The following LYST variants were observed in gnomAD, a reference collection of about 807,000 sequenced individuals.
The protein encoded by LYST is lysosomal-trafficking regulator.
A neutral mutation model predicts 413.6 loss-of-function variants in LYST; 192 were observed. That is an observed-to-expected ratio of 0.46 (90% CI 0.41 to 0.52). LYST has a LOEUF of 0.52. LYST is among the 20% of genes least tolerant of loss of function. The pLI is 0.00. For missense variants in LYST, 3,815 were observed against 4,499.9 expected, an observed-to-expected ratio of 0.85 and a Z score of 4.35; for synonymous variants, 1,525 against 1,567.3, an observed-to-expected ratio of 0.97 and a Z score of 0.64.
At chr1:235,665,074 G>A (rs1204221616) in intron 50 of LYST, among the ~76,000 whole-genome samples, 7 of 152,036 alleles carry the variant, frequency 4.6e-5, no homozygotes, top group Admixed American at 4.6e-4. Flanking sequence ...GATTACAGGC[G>A]TGAGCCACTG....
chr1:235,791,802 A>G lies in LYST; in HGVS notation c.4440T>C (p.Asn1480=), dbSNP rs1472906588. 1.2e-6 allele frequency: 2 copies of G among 1,614,072 alleles called. No homozygotes were observed. Among genetic ancestry groups the G allele is most frequent in the Non-Finnish European group, 1.7e-6 (2 of 1,179,946 alleles). Residue 1480 remains asparagine (N), a synonymous_variant, in exon 12 of 53, where the codon AAT becomes AAC. Transcript: ENST00000389793. ...SEGFSVSLWF[N]VECIHEAEST... ...TCTCAGCTTCATGGATACACTCCACATTAAACCACAGGGAAACACTGAAAC... is the reference window on the plus strand; with the variant it reads ...TCTCAGCTTCATGGATACACTCCACGTTAAACCACAGGGAAACACTGAAAC...
At chr1:235,767,919 C>T (rs954867164) in intron 20 of LYST, among the ~76,000 whole-genome samples, 2 of 152,036 alleles carry the variant, frequency 1.3e-5, no homozygotes, top group Non-Finnish European at 2.9e-5. Flanking sequence ...ACATGTTCTT[C>T]CCCCTCTGCC....
At chr1:235,835,746 C>T (rs1429312063) in intron 1 of LYST, among the ~76,000 whole-genome samples, 1 of 152,092 alleles carries the variant, frequency 6.6e-6, no homozygotes, top group African/African-American at 2.4e-5. Flanking sequence ...AATAATGATG[C>T]CCTTAGCCCA....
chr1:235,762,516 G>A (rs1038606856), intron 22 of LYST, among the ~76,000 whole-genome samples: 1 of 152,180 alleles, frequency 6.6e-6, no homozygotes, highest in African/African-American at 2.4e-5. Flanking sequence ...AAATGACTAT[G>A]ATAAGAGAAG....
intron 45 of LYST, among the ~76,000 whole-genome samples, chr1:235,698,556 G>C (rs1238515590): frequency 6.6e-6 from 1 of 152,088 alleles, no homozygotes; most frequent in Non-Finnish European, 1.5e-5. Flanking sequence ...GCTCCCCTGT[G>C]GGATCCAAAT....
intron 8 of LYST, 143 bp from the exon 9 acceptor site, chr1:235,801,240 C>A: frequency 1.6e-6 from 1 of 641,002 alleles, no homozygotes; most frequent in South Asian, 1.8e-5. Flanking sequence ...TCCTATAACA[C>A]AACTTTTGAC....
At chr1:235,691,967 G>C (rs927115972) in intron 47 of LYST, among the ~76,000 whole-genome samples, 16 of 150,710 alleles carry the variant, frequency 1.1e-4, no homozygotes, top group African/African-American at 3.7e-4. Flanking sequence ...CAAAGTGCTA[G>C]GATTACAGGC....
intron 6 of LYST, among the ~76,000 whole-genome samples, chr1:235,805,146 T>C (rs990957881): frequency 3.3e-5 from 5 of 152,204 alleles, no homozygotes; most frequent in Non-Finnish European, 7.3e-5. Context: ...CCTAGATTCC[T>C]TTTTAGTTGA....
At position 235,851,924 on chromosome 1, in the gene LYST, A is replaced by G. The variant is rs560138177; in HGVS notation, c.-98+14919T>C. Among the ~76,000 whole-genome samples, 5 of 152,220 alleles carry G rather than the reference A, an allele frequency of 3.3e-5. No individual in the cohort carries two copies. In the South Asian group the frequency reaches 8.3e-4, roughly 25 times the overall value. ...ATGGTTTCACAAACTGAAATCTTCC[A>G]TAAGACAAATCATGATCCCATATTT... On this transcript the variant is annotated intron_variant, in intron 1 of 52. Coordinates refer to ENST00000389793, the MANE Select transcript of LYST (RefSeq NM_000081.4).
At chr1:235,766,360 T>C (rs1668150638) in intron 20 of LYST, 83 bp from the exon 21 acceptor site, 3 of 1,001,976 alleles carry the variant, frequency 3.0e-6, no homozygotes, top group African/African-American at 3.2e-5. Flanking sequence ...AATATTCTTT[T>C]TAAGATAGAA....
intron 1 of LYST, among the ~76,000 whole-genome samples, chr1:235,859,206 C>A (rs2103149584): frequency 6.6e-6 from 1 of 152,304 alleles, no homozygotes; most frequent in Admixed American, 6.5e-5. Context: ...GTAACTCTTT[C>A]ATTTGTCCTC....
At chr1:235,830,499 G>A in intron 2 of LYST, 75 bp from the exon 3 acceptor site, 4 of 1,192,340 alleles carry the variant, frequency 3.4e-6, no homozygotes, top group Non-Finnish European at 4.8e-6. Flanking sequence ...ATGTGTTTTT[G>A]TTGTTTGTTT....
At chr1:235,882,626 T>C (rs1440712796) in intron 1 of LYST, among the ~76,000 whole-genome samples, 1 of 151,946 alleles carries the variant, frequency 6.6e-6, no homozygotes. Flanking sequence ...TAAGAGTGTG[T>C]AGGAACCTAC....
At chr1:235,793,052 T>C (rs898839275) in intron 11 of LYST, among the ~76,000 whole-genome samples, 5 of 152,144 alleles carry the variant, frequency 3.3e-5, no homozygotes, top group Non-Finnish European at 1.5e-5. Context: ...CAAGGTTTCA[T>C]TATAAAAATG....
chr1:235,808,783 G>C lies in LYST; in HGVS notation c.2035C>G (p.Pro679Ala). The change falls in exon 5 of 53, where the codon CCC (proline) becomes GCC (alanine). Residue 679 changes from proline (P) to alanine (A), a missense_variant. Coordinates refer to ENST00000389793, the MANE Select transcript of LYST (RefSeq NM_000081.4). ...AACAAATCTTCAGATCCACTGCTGG[G>C]CAGGATCCCTTGAAATCTGTAAGAA... is the stretch of plus-strand genomic sequence containing the variant. Reference protein sequence around the residue: ...SPSYRFQGILPSSGSEDLLWK... With the variant: ...SPSYRFQGILASSGSEDLLWK... 1.2e-6 allele frequency: 2 copies of C among 1,613,932 alleles called. No individual in the cohort carries two copies. Among genetic ancestry groups the C allele is most frequent in the Non-Finnish European group, 1.7e-6 (2 of 1,179,944 alleles).
At position 235,733,647 on chromosome 1, in the gene LYST, A is replaced by G. The variant is rs146215689; in HGVS notation, c.8657T>C (p.Ile2886Thr). The G allele has an allele frequency of 7.6e-5, 122 of 1,613,684 alleles. No homozygotes were observed. In the African/African-American group the frequency reaches 1.5e-3, roughly 20 times the overall value. ...CACTGCCTGGGTGATATCTGCAGCT[A>G]TTTTAGATATATCCTTTGATTTTGA... ...LDSKSKDISK[I>T]AADITQAVSL... The change falls in exon 34 of 53, where the codon ATA becomes ACA. Residue 2886 changes from isoleucine to threonine, a missense_variant. Coordinates refer to ENST00000389793, the MANE Select transcript of LYST (RefSeq NM_000081.4).
At chr1:235,880,119 T>C (rs1681316584) in intron 1 of LYST, among the ~76,000 whole-genome samples, 1 of 152,254 alleles carries the variant, frequency 6.6e-6, no homozygotes, top group Admixed American at 6.5e-5. Context: ...TGCATAGCAC[T>C]GTACCTTTTA....
chr1:235,830,535 CT>C, intron 2 of LYST, 111 bp from the exon 3 acceptor site: 1 of 856,374 alleles, frequency 1.2e-6, no homozygotes, highest in Non-Finnish European at 1.8e-6. Context: ...CTTAAAATTA[CT>C]GGAAATTGGT....
At chr1:235,804,993 T>C (rs1349600769) in intron 6 of LYST, among the ~76,000 whole-genome samples, 1 of 152,158 alleles carries the variant, frequency 6.6e-6, no homozygotes, top group Non-Finnish European at 1.5e-5. Flanking sequence ...ATTTCAATTG[T>C]GGAAATTCAG....
Sources: allele counts gnomAD v4.1 joint callset (sites outside exome capture counted in the v4.1 genomes callset), GRCh38; gene constraint gnomAD v4.1.1; transcripts MANE v1.5; gene names NCBI Gene and HGNC (gene_info 2026-07-23, HGNC 2026-07-21).